Variants in PKHD1L1 observed in about 807,000 individuals in gnomAD.
PKHD1L1 encodes PKHD1 like 1, also known as fibrocystin-L.
Under a neutral mutation model 462.9 loss-of-function variants are expected in PKHD1L1, and 434 were observed. That is an observed-to-expected ratio of 0.94 (90% CI 0.87 to 1.02). The LOEUF is 1.02. Ranked by LOEUF, PKHD1L1 falls within the 50% of genes least tolerant of loss-of-function variation. PKHD1L1 has a pLI of 0.00. For synonymous variants in PKHD1L1, 1,781 were observed against 1,750.0 expected (o/e 1.02, Z -0.44); for missense variants, 5,202 against 5,096.1 (o/e 1.02, Z -0.63).
chr8:109,521,438 G>A (rs1004339941), intron 73 of PKHD1L1, among the ~76,000 whole-genome samples: 23 of 152,166 alleles, frequency 1.5e-4, no homozygotes, highest in Admixed American at 1.5e-3. Context: ...TGCTGATGTG[G>A]CTTTAATTAG....
chr8:109,443,990 A>G (rs1815967657), intron 37 of PKHD1L1, 88 bp downstream of exon 37: 10 of 1,110,824 alleles, frequency 9.0e-6, no homozygotes, highest in Non-Finnish European at 1.0e-5. Flanking sequence ...AATTTTTACC[A>G]GCTTTATTGA....
In PKHD1L1 at chr8:109,461,898, A is replaced by C; in HGVS notation, c.7373A>C (p.Glu2458Ala). The part of the protein sequence containing the change: ...PGANMVTGRI[E>A]YVEVFHAGQA... ...GCTAACATGGTAACTGGGAGAATAG[A>C]ATATGTAGAGGTGAGAGGCATTATT... The change falls in exon 48 of 78, where the codon GAA becomes GCA. Residue 2458 changes from glutamate to alanine, a missense_variant. By Grantham distance (107) the Glu-to-Ala change is moderately radical. Coordinates refer to ENST00000378402, the MANE Select transcript of PKHD1L1 (RefSeq NM_177531.6). The C allele has an allele frequency of 1.2e-6, 2 of 1,600,372 alleles. No individual in the cohort carries two copies. Among genetic ancestry groups the C allele is most frequent in the Non-Finnish European group, 1.7e-6 (2 of 1,172,738 alleles).
At chr8:109,440,484 C>T (rs1815715346) in intron 32 of PKHD1L1, among the ~76,000 whole-genome samples, 7 of 151,936 alleles carry the variant, frequency 4.6e-5, no homozygotes, top group Admixed American at 4.6e-4. Flanking sequence ...ATTCTTCTGC[C>T]ATTAGAATTT....
chr8:109,534,355 C>T lies in PKHD1L1; in HGVS notation c.*4265C>T, dbSNP rs936728546. Among the ~76,000 whole-genome samples, 14 of 151,958 alleles carry T rather than the reference C, an allele frequency of 9.2e-5. No individual in the cohort carries two copies. The highest frequency in any genetic ancestry group is 1.9e-4 in the East Asian group (1 of 5,154). On this transcript the variant is annotated 3_prime_UTR_variant, in exon 78 of 78. Coordinates refer to ENST00000378402, the MANE Select transcript of PKHD1L1 (RefSeq NM_177531.6). ...GCGGGCACCTGTAGTCTCAGCTAGTCGGGAGGCTGAGGCAGGAGAATGGTG... is the reference window on the plus strand; with the variant it reads ...GCGGGCACCTGTAGTCTCAGCTAGTTGGGAGGCTGAGGCAGGAGAATGGTG...
In PKHD1L1 at chr8:109,466,593, C is replaced by A. The variant is rs73313124; in HGVS notation, c.8429C>A (p.Thr2810Asn). 824 of 1,596,582 alleles carry A rather than the reference C, an allele frequency of 5.2e-4. 5 individuals carry two copies. In the African/African-American group the frequency reaches 8.4e-3, roughly 16 times the overall value. The change falls in exon 50 of 78, where the codon ACC (threonine) becomes AAC (asparagine). Residue 2810 changes from threonine to asparagine, a missense_variant. Around this residue, in one of 3 missense-constraint regions of PKHD1L1, gnomAD observed 4,497 missense variants for 4,336.8 expected, o/e 1.04. Coordinates refer to ENST00000378402, the MANE Select transcript of PKHD1L1 (RefSeq NM_177531.6). ...DGSLTGHKGH[T>N]VIPHSSLLDP... ...TGTTTCCCAGGGCACAAAGGACATA[C>A]CGTCATTCCACACAGCTCATTGCTA...
intron 68 of PKHD1L1, 45 bp from the exon 69 acceptor site, chr8:109,507,618 G>A (rs777943548): frequency 1.9e-5 from 28 of 1,494,520 alleles, no homozygotes; most frequent in Non-Finnish European, 2.5e-5. Flanking sequence ...TATTCATATT[G>A]CTCTCTAGAA....
rs1821045511 is a variant in PKHD1L1, at chr8:109,531,693, T to C, written c.*1603T>C. On this transcript the variant is annotated 3_prime_UTR_variant, in exon 78 of 78. Transcript: ENST00000378402. Reference sequence around the variant, plus strand: ...TTTTAAGGGAATTGCAGGTAAGAGGTCCCTGACAAGGTAGTCTTCAAAGTA... The same window carrying C: ...TTTTAAGGGAATTGCAGGTAAGAGGCCCCTGACAAGGTAGTCTTCAAAGTA... Among the ~76,000 whole-genome samples the C allele has an allele frequency of 6.6e-6, 1 of 152,078 alleles. No homozygotes were observed. The highest frequency in any genetic ancestry group is 2.1e-4 in the South Asian group (1 of 4,826).
chr8:109,436,478 G>C lies in PKHD1L1; in HGVS notation c.3627+19G>C. Reference sequence around the variant, plus strand: ...ACCAAAAGTAAGGCCTCTGATTTCAGTCACTTTTTCCTCCTAAGTCTGAAA... The same window carrying C: ...ACCAAAAGTAAGGCCTCTGATTTCACTCACTTTTTCCTCCTAAGTCTGAAA... On this transcript the variant is annotated intron_variant, in intron 30 of 77. Coordinates refer to ENST00000378402, the MANE Select transcript of PKHD1L1 (RefSeq NM_177531.6). The C allele has an allele frequency of 6.2e-7, 1 of 1,609,918 alleles. No homozygotes were observed. Among genetic ancestry groups the C allele is most frequent in the Non-Finnish European group, 8.5e-7 (1 of 1,178,764 alleles).
chr8:109,464,860 G>A lies in PKHD1L1; in HGVS notation c.8028G>A (p.Val2676=). The A allele has an allele frequency of 1.2e-6, 2 of 1,613,834 alleles. No homozygotes were observed. Among genetic ancestry groups the A allele is most frequent in the Non-Finnish European group, 1.7e-6 (2 of 1,179,794 alleles). The change falls in exon 49 of 78, where the codon GTG becomes GTA. Residue 2676 remains valine (V), a synonymous_variant. Coordinates refer to ENST00000378402, the MANE Select transcript of PKHD1L1 (RefSeq NM_177531.6). ...GALQFHNFVM[V]NNYEAGIETK... is the part of the protein sequence containing the mutation. The stretch of plus-strand genomic sequence containing the variant: ...TTCAGTTCCATAACTTTGTGATGGT[G>A]AATAACTATGAGGCTGGAATTGAGA...
rs767348709 is a variant in PKHD1L1, at chr8:109,459,722, CTGTT to C, written c.7135_7138del (p.Phe2379LysfsTer14). The C allele has an allele frequency of 3.7e-6, 6 of 1,611,996 alleles. No homozygotes were observed. The highest frequency in any genetic ancestry group is 5.1e-6 in the Non-Finnish European group (6 of 1,178,932). ...TACGGTCACACTCCCTGATGGAACT[CTGTT>C]TGAAGCAAGAGCAGAAGTTGGAATT... is the stretch of plus-strand genomic sequence containing the variant. On this transcript the variant is annotated frameshift_variant, in exon 47 of 78. Transcript: ENST00000378402. LOFTEE classifies it high-confidence loss of function.
At chr8:109,447,123 T>C (rs1316044695) in intron 38 of PKHD1L1, among the ~76,000 whole-genome samples, 1 of 152,142 alleles carries the variant, frequency 6.6e-6, no homozygotes, top group Non-Finnish European at 1.5e-5. Flanking sequence ...CTTGGGAGGC[T>C]GAGGCAGGAG....
intron 23 of PKHD1L1, among the ~76,000 whole-genome samples, chr8:109,423,666 G>A (rs575723479): frequency 2.0e-5 from 3 of 152,262 alleles, no homozygotes; most frequent in Non-Finnish European, 4.4e-5. Flanking sequence ...AAAAAACCTT[G>A]CTGGTATTTT....
chr8:109,383,744 A>T (rs1034596344), intron 4 of PKHD1L1, among the ~76,000 whole-genome samples: 3 of 151,818 alleles, frequency 2.0e-5, no homozygotes, highest in African/African-American at 7.3e-5. Flanking sequence ...AGCGACCTAA[A>T]TTGAGCATCA....
At chr8:109,390,346 T>G (rs1812653721) in intron 8 of PKHD1L1, 106 bp from the exon 9 acceptor site, 2 of 566,034 alleles carry the variant, frequency 3.5e-6, no homozygotes, top group African/African-American at 1.9e-5. Flanking sequence ...AAATACAATT[T>G]TGATTTTGTA....
chr8:109,527,094 C>A, intron 77 of PKHD1L1, 74 bp downstream of exon 77: 1 of 1,266,180 alleles, frequency 7.9e-7, no homozygotes, highest in Non-Finnish European at 1.1e-6. Flanking sequence ...AGGCTGTGTG[C>A]ACAGCTCTTG....
At chr8:109,440,062 A>G (rs1229777186) in intron 32 of PKHD1L1, among the ~76,000 whole-genome samples, 1 of 152,142 alleles carries the variant, frequency 6.6e-6, no homozygotes, top group African/African-American at 2.4e-5. Context: ...ATGCTGTGGA[A>G]GTTAAAAGTT....
intron 55 of PKHD1L1, 128 bp from the exon 56 acceptor site, chr8:109,481,305 C>A: frequency 1.2e-6 from 1 of 800,604 alleles, no homozygotes; most frequent in Non-Finnish European, 1.8e-6. Context: ...AGTTATAATG[C>A]TGTTCTTTAT....
chr8:109,452,941 A>G, intron 43 of PKHD1L1, 67 bp downstream of exon 43: 1 of 1,211,270 alleles, frequency 8.3e-7, no homozygotes. Flanking sequence ...TGATTTAATC[A>G]AAATCCACAA....
intron 44 of PKHD1L1, 108 bp from the exon 45 acceptor site, chr8:109,454,615 T>A: frequency 6.9e-7 from 1 of 1,453,202 alleles, no homozygotes; most frequent in Non-Finnish European, 9.3e-7. Context: ...AACTGAGCAA[T>A]TAATTCTCAA....
Sources: gnomAD v4.1 joint callset for allele counts (sites outside exome capture counted in the v4.1 genomes callset) on GRCh38, gnomAD v4.1.1 for gene constraint, gnomAD v4.1.1 regional missense constraint, MANE v1.5 for transcripts, NCBI Gene and HGNC (gene_info 2026-07-23, HGNC 2026-07-21) for gene names.